Variants in MSI2 observed in about 807,000 individuals in gnomAD.
The protein encoded by MSI2 is RNA-binding protein Musashi homolog 2.
A neutral mutation model predicts 45.6 loss-of-function variants in MSI2; 17 were observed. The observed-to-expected ratio is 0.37, with a 90% CI of 0.26 to 0.56. The LOEUF (loss-of-function observed/expected upper bound fraction) is 0.56, where lower values mean the gene tolerates loss of function less well. MSI2 is among the 20% of genes least tolerant of loss of function. The probability of loss-of-function intolerance (pLI) is 0.77; values close to 1 mark genes in which losing one functional copy is unlikely to be tolerated. For missense variants in MSI2, 293 were observed against 444.2 expected (o/e 0.66, Z 3.06); for synonymous variants, 156 against 158.2 (o/e 0.99, Z 0.11).
At chr17:57,507,740 A>T (rs1187145784) in intron 6 of MSI2, among the ~76,000 whole-genome samples, 1 of 152,146 alleles carries the variant, frequency 6.6e-6, no homozygotes, top group Non-Finnish European at 1.5e-5. Flanking sequence ...ACTTCTTTGA[A>T]GGGGATGATG....
rs558400933 is a variant in MSI2, at chr17:57,487,475, A to G, written c.406-42201A>G. On this transcript the variant is annotated intron_variant, in intron 6 of 13. Transcript: ENST00000284073. ...GTCCCTGTGTCCTCATCACTCATCC[A>G]TCAAGTGACAAAACTCTTCTCTTAA... Among the ~76,000 whole-genome samples the G allele has an allele frequency of 5.3e-5, 8 of 152,218 alleles. No individual in the cohort carries two copies. In the South Asian group the frequency reaches 1.2e-3, roughly 24 times the overall value.
At chr17:57,366,111 C>T (rs1428228372) in intron 5 of MSI2, among the ~76,000 whole-genome samples, 2 of 152,116 alleles carry the variant, frequency 1.3e-5, no homozygotes, top group Non-Finnish European at 2.9e-5. Context: ...AGGGTCTTGC[C>T]GTGTTGCCCA....
chr17:57,666,600 G>A (rs1047643340), intron 11 of MSI2, among the ~76,000 whole-genome samples: 1 of 152,194 alleles, frequency 6.6e-6, no homozygotes, highest in Non-Finnish European at 1.5e-5. Flanking sequence ...ACTACATTAG[G>A]CTGCCTCGTA....
chr17:57,526,017 G>A (rs986963162), intron 6 of MSI2, among the ~76,000 whole-genome samples: 36 of 152,092 alleles, frequency 2.4e-4, no homozygotes, highest in Non-Finnish European at 1.5e-4. Context: ...ACAAGGTCAG[G>A]AGTTCAAGAC....
intron 5 of MSI2, among the ~76,000 whole-genome samples, chr17:57,282,680 T>A (rs1231775274): frequency 6.6e-6 from 1 of 152,116 alleles, no homozygotes; most frequent in Non-Finnish European, 1.5e-5. Context: ...TGTCTTCTGG[T>A]TTTGTGTAAG....
intron 11 of MSI2, among the ~76,000 whole-genome samples, chr17:57,661,491 G>T (rs187244230): frequency 6.6e-6 from 1 of 152,080 alleles, no homozygotes; most frequent in African/African-American, 2.4e-5. Flanking sequence ...TGCAAGTGGC[G>T]CTCAGTAAGG....
intron 10 of MSI2, chr17:57,632,989 A>G (rs12449785): frequency 0.052 from 54,701 of 1,048,646 alleles, 1,617 homozygotes; most frequent in Middle Eastern, 0.13. Flanking sequence ...GCTTTTCCCC[A>G]TCTCCATATT....
chr17:57,527,642 T>C (rs2086732144), intron 6 of MSI2, among the ~76,000 whole-genome samples: 1 of 152,054 alleles, frequency 6.6e-6, no homozygotes, highest in Non-Finnish European at 1.5e-5. Flanking sequence ...ACTTCAGAAA[T>C]GGGGAGCAGA....
At chr17:57,697,907 C>G in the MSI2 span, among the ~76,000 whole-genome samples, 1 of 152,202 alleles carries the variant, frequency 6.6e-6, no homozygotes, top group African/African-American at 2.4e-5. Flanking sequence ...ACAGCCAAAC[C>G]ATATCACTCG....
intron 5 of MSI2, among the ~76,000 whole-genome samples, chr17:57,277,176 C>T (rs1268791941): frequency 6.6e-6 from 1 of 150,890 alleles, no homozygotes; most frequent in African/African-American, 2.4e-5. Flanking sequence ...TTGCCTCAGT[C>T]TCCCAAGTAG....
chr17:57,292,484 G>A (rs1910509115), intron 5 of MSI2, among the ~76,000 whole-genome samples: 2 of 152,242 alleles, frequency 1.3e-5, no homozygotes, highest in South Asian at 2.1e-4. Context: ...CAGTGGGGTT[G>A]GGGTGGCAGG....
intron 7 of MSI2, among the ~76,000 whole-genome samples, chr17:57,586,976 T>C (rs372013204): frequency 6.6e-6 from 1 of 152,120 alleles, no homozygotes; most frequent in Non-Finnish European, 1.5e-5. Flanking sequence ...TTGGGAAGCA[T>C]AGGGCAGAGT....
downstream of MSI2, among the ~76,000 whole-genome samples, chr17:57,686,847 T>C (rs1222823556): frequency 6.6e-6 from 1 of 152,186 alleles, no homozygotes; most frequent in Non-Finnish European, 1.5e-5. Flanking sequence ...ATGTATTTAA[T>C]AGACAAAAAT....
chr17:57,663,348 TTATTAA>T (rs1912136682), intron 11 of MSI2, among the ~76,000 whole-genome samples: 2 of 152,252 alleles, frequency 1.3e-5, no homozygotes, highest in African/African-American at 4.8e-5. Flanking sequence ...TCCTGGTTAC[TTATTAA>T]TATTAATAAA....
At chr17:57,687,010 C>A (rs1403818375), downstream of MSI2, among the ~76,000 whole-genome samples, 1 of 148,302 alleles carries the variant, frequency 6.7e-6, no homozygotes, top group African/African-American at 2.4e-5. Context: ...CAGCAGCCCC[C>A]CCCCCAAAAA....
chr17:57,563,746 GCACACACACACACA>G lies in MSI2; in HGVS notation c.455-33097_455-33084del, dbSNP rs61342598. 3.4e-3 allele frequency among the ~76,000 whole-genome samples: 467 copies of G among 139,396 alleles called. 2 individuals carry two copies. Among genetic ancestry groups the G allele is most frequent in the African/African-American group, 0.011 (412 of 37,312 alleles). 91.4% of individuals were successfully genotyped at this position (139,396 alleles called of 152,430 possible). A position where few individuals can be genotyped will look rare whatever the true frequency, so the allele number is the denominator to read the frequency against. On this transcript the variant is annotated intron_variant, in intron 7 of 13. Transcript: ENST00000284073. ...TTCCCTCTCACACACACACAGGCGC[GCACACACACACACA>G]CACACACACACACACACACACACAT...
At chr17:57,615,802 G>A (rs1001716079) in intron 8 of MSI2, among the ~76,000 whole-genome samples, 168 bp from the exon 9 acceptor site, 2 of 152,142 alleles carry the variant, frequency 1.3e-5, no homozygotes, top group Non-Finnish European at 1.5e-5. Flanking sequence ...CACAAGTGGC[G>A]TGTTTTCTTA....
chr17:57,308,740 TC>T (rs1400254669), intron 5 of MSI2, among the ~76,000 whole-genome samples: 3 of 152,142 alleles, frequency 2.0e-5, no homozygotes, highest in Non-Finnish European at 4.4e-5. Flanking sequence ...TGCCACTCCA[TC>T]CCTGAGAGTC....
intron 5 of MSI2, among the ~76,000 whole-genome samples, chr17:57,275,016 T>C (rs1908722752): frequency 6.6e-6 from 1 of 152,206 alleles, no homozygotes; most frequent in African/African-American, 2.4e-5. Context: ...TTTAAAGCCA[T>C]CTCGAACATG....
Sources: gnomAD v4.1 joint callset for allele counts (sites outside exome capture counted in the v4.1 genomes callset) on GRCh38, gnomAD v4.1.1 for gene constraint, MANE v1.5 for transcripts, NCBI Gene and HGNC (gene_info 2026-07-23, HGNC 2026-07-21) for gene names.